Variants in GPR139 observed in about 807,000 individuals in gnomAD.
GPR139 encodes the protein probable G protein-coupled receptor 139.
A neutral mutation model predicts 25.8 loss-of-function variants in GPR139; 12 were observed. That is an observed-to-expected ratio of 0.47 (90% CI 0.30 to 0.75). GPR139 has a LOEUF of 0.75. Among genes scored for constraint, GPR139 ranks in the 30% least tolerant of loss-of-function variants. The probability of loss-of-function intolerance (pLI) is 0.07; values close to 1 mark genes in which losing one functional copy is unlikely to be tolerated. For synonymous variants in GPR139, 184 were observed against 179.9 expected, an observed-to-expected ratio of 1.02 and a Z score of -0.18; for missense variants, 380 against 450.2, an observed-to-expected ratio of 0.84 and a Z score of 1.41.
chr16:20,039,414 T>C (rs986589893), intron 1 of GPR139, among the ~76,000 whole-genome samples: 10 of 152,238 alleles, frequency 6.6e-5, no homozygotes, highest in Admixed American at 5.9e-4. Context: ...TTCTGCTACA[T>C]TGCCTTTTTC....
In GPR139 at chr16:20,032,249, AG is replaced by A; in HGVS notation, c.547del (p.Leu183SerfsTer20). 6.2e-7 allele frequency: 1 copy of A among 1,614,174 alleles called. No homozygotes were observed. The highest frequency in any genetic ancestry group is 8.5e-7 in the Non-Finnish European group (1 of 1,180,018). ...GACGGTGAAGCAGTGGATCCAGATG[AG>A]GACGTGATGCACAGAGGTGCTGATG... ...DYISTSVHHVLIWIHCFTVYL... is the reference protein window; with the variant it reads ...DYISTSVHHVXIWIHCFTVYL... On this transcript the variant is annotated frameshift_variant, in exon 2 of 2. Transcript: ENST00000570682. LOFTEE classifies it high-confidence loss of function.
intron 1 of GPR139, among the ~76,000 whole-genome samples, chr16:20,058,710 C>T (rs910058563): frequency 8.5e-5 from 13 of 152,174 alleles, no homozygotes; most frequent in African/African-American, 3.1e-4. Flanking sequence ...CCCTCCGTCA[C>T]GCTGGCCAGA....
intron 1 of GPR139, among the ~76,000 whole-genome samples, chr16:20,057,278 T>A (rs72772751): frequency 6.6e-6 from 1 of 152,108 alleles, no homozygotes; most frequent in Non-Finnish European, 1.5e-5. Flanking sequence ...ATATGCCAAA[T>A]GAGCATGATG....
At chr16:20,064,757 C>T (rs921440537) in intron 1 of GPR139, among the ~76,000 whole-genome samples, 1 of 152,160 alleles carries the variant, frequency 6.6e-6, no homozygotes, top group Admixed American at 6.5e-5. Context: ...CTTGCCAGAG[C>T]CCCATTAACA....
chr16:20,069,922 C>T (rs367603119), intron 1 of GPR139, among the ~76,000 whole-genome samples: 5 of 151,822 alleles, frequency 3.3e-5, no homozygotes, highest in African/African-American at 4.8e-5. Context: ...TTGTGTGTCT[C>T]GAGAAGTGAG....
intron 1 of GPR139, among the ~76,000 whole-genome samples, chr16:20,042,451 TTC>T (rs1318589577): frequency 6.6e-6 from 1 of 152,178 alleles, no homozygotes; most frequent in Non-Finnish European, 1.5e-5. Flanking sequence ...CAGGAAATTC[TTC>T]ATTGCCTCTA....
rs1331806231 is a variant in GPR139 at position 20,029,694 on chromosome 16, G to A, written c.*2041C>T. Among the ~76,000 whole-genome samples the A allele has an allele frequency of 1.3e-5, 2 of 152,122 alleles. No homozygotes were observed. The highest frequency in any genetic ancestry group is 2.1e-4 in the South Asian group (1 of 4,820). The stretch of plus-strand genomic sequence containing the variant: ...TCAATGAGCATACGCCCTGGGGAGC[G>A]TGGGAGATGGGAGATCTGTCCCTCA... On this transcript the variant is annotated 3_prime_UTR_variant, in exon 2 of 2. Coordinates refer to ENST00000570682, the MANE Select transcript of GPR139 (RefSeq NM_001002911.4).
In GPR139 at chr16:20,069,663, C is replaced by T. The variant is rs144014562; in HGVS notation, c.127+3827G>A. Among the ~76,000 whole-genome samples, 298 of 152,318 alleles carry T rather than the reference C, an allele frequency of 2.0e-3. 1 individual carries two copies. Among genetic ancestry groups the T allele is most frequent in the South Asian group, 3.3e-3 (16 of 4,816 alleles). ...AGTTTCAAGCTATCATCTCTTTCCT[C>T]ACCTTGTCTTTCTGCACATCCCCGG... On this transcript the variant is annotated intron_variant, in intron 1 of 1. Coordinates refer to ENST00000570682, the MANE Select transcript of GPR139 (RefSeq NM_001002911.4).
Position 20,032,098 on chromosome 16 carries a change from A to G in GPR139, c.699T>C (p.Ile233=). 1 of 1,614,200 alleles carries G rather than the reference A, an allele frequency of 6.2e-7. No individual in the cohort carries two copies. Among genetic ancestry groups the G allele is most frequent in the Non-Finnish European group, 8.5e-7 (1 of 1,180,032 alleles). The change falls in exon 2 of 2, where the codon ATT becomes ATC. Residue 233 remains isoleucine, a synonymous_variant. Transcript: ENST00000570682. The part of the protein sequence containing the change: ...TGKTTAILFT[I]TSIFATLWAP... ...CCCAAAGTGTGGCAAAGATGGAGGT[A>G]ATGGTGAACAAGATGGCGGTGGTCT...
At chr16:20,036,727 T>C (rs534025902) in intron 1 of GPR139, among the ~76,000 whole-genome samples, 1 of 152,252 alleles carries the variant, frequency 6.6e-6, no homozygotes, top group South Asian at 2.1e-4. Flanking sequence ...CATTTCAAGA[T>C]GAGATTTGGG....
chr16:20,048,598 G>GC (rs2057361669), intron 1 of GPR139, among the ~76,000 whole-genome samples: 1 of 152,210 alleles, frequency 6.6e-6, no homozygotes, highest in African/African-American at 2.4e-5. Context: ...GATATCGCAT[G>GC]CCCCATTGCA....
intron 1 of GPR139, among the ~76,000 whole-genome samples, chr16:20,044,203 G>A (rs367553734): frequency 2.0e-3 from 298 of 152,330 alleles, no homozygotes; most frequent in African/African-American, 6.9e-3. Context: ...GGCTCAATGA[G>A]AGGGAAGAAG....
At position 20,073,338 on chromosome 16, in the gene GPR139, C is replaced by T; in HGVS notation, c.127+152G>A. 2 of 1,178,690 alleles carry T rather than the reference C, an allele frequency of 1.7e-6. No individual in the cohort carries two copies. The highest frequency in any genetic ancestry group is 2.6e-5 in the East Asian group (1 of 38,714). The allele number at this position is 1,178,690 out of a possible 1,614,324, so 73.0% of individuals were successfully genotyped here. On this transcript the variant is annotated intron_variant, in intron 1 of 1. Transcript: ENST00000570682. The surrounding 1 kb of genome is among the most constrained non-coding windows in gnomAD (Gnocchi z 4.7). The stretch of plus-strand genomic sequence containing the variant: ...AGCTAGGGCACAGCAACTTCCTTTC[C>T]CCCCGTGTGGAAATATCCATAGTTG...
intron 1 of GPR139, among the ~76,000 whole-genome samples, chr16:20,045,598 G>T (rs1019542510): frequency 2.0e-5 from 3 of 152,138 alleles, no homozygotes; most frequent in Non-Finnish European, 4.4e-5. Context: ...CCATCAGCTG[G>T]CACCTATGAG....
rs548117046 is a variant in GPR139 at position 20,060,313 on chromosome 16, GT to G, written c.127+13176del. 1.9e-4 allele frequency among the ~76,000 whole-genome samples: 29 copies of G among 152,054 alleles called. No individual in the cohort carries two copies. The Middle Eastern group carries it at 0.01, about 54-fold the overall frequency. ...TGTGTCTATATGTGTATCTCTGTGT[GT>G]GGTGTGTATCTGCATGTATGTCTCT... On this transcript the variant is annotated intron_variant, in intron 1 of 1. Coordinates refer to ENST00000570682, the MANE Select transcript of GPR139 (RefSeq NM_001002911.4).
In GPR139 at chr16:20,031,768, G is replaced by A. The variant is rs138883892; in HGVS notation, c.1029C>T (p.Asp343=). The A allele has an allele frequency of 5.2e-4, 836 of 1,614,104 alleles. 1 individual carries two copies. Among genetic ancestry groups the A allele is most frequent in the Middle Eastern group, 1.5e-3 (9 of 6,062 alleles). ...HCIKMLVYQY[D]KNGKPIKVSP is the part of the protein sequence containing the mutation. ...ATACTTTTATAGGTTTTCCATTTTT[G>A]TCATACTGGTACACCAGCATCTTGA... The change falls in exon 2 of 2, where the codon GAC becomes GAT. Residue 343 remains aspartate (D), a synonymous_variant. Transcript: ENST00000570682.
chr16:20,043,338 C>T (rs1362922219), intron 1 of GPR139, among the ~76,000 whole-genome samples: 4 of 152,164 alleles, frequency 2.6e-5, no homozygotes, highest in Non-Finnish European at 5.9e-5. Flanking sequence ...CCAATGGTTT[C>T]CAAACTGTAT....
At chr16:20,041,011 G>A (rs943771558) in intron 1 of GPR139, among the ~76,000 whole-genome samples, 14 of 151,282 alleles carry the variant, frequency 9.3e-5, no homozygotes, top group African/African-American at 3.4e-4. Context: ...TGACTTAAAA[G>A]CATCTCTCCC....
At chr16:20,036,888 A>G (rs891433280) in intron 1 of GPR139, among the ~76,000 whole-genome samples, 1 of 152,208 alleles carries the variant, frequency 6.6e-6, no homozygotes, top group African/African-American at 2.4e-5. Context: ...ATTGACTGAG[A>G]GTCCATTCAT....
Sources: gnomAD v4.1 joint callset for allele counts (sites outside exome capture counted in the v4.1 genomes callset) on GRCh38, gnomAD v4.1.1 for gene constraint, Gnocchi (gnomAD v3.1) non-coding constraint, MANE v1.5 for transcripts, NCBI Gene and HGNC (gene_info 2026-07-23, HGNC 2026-07-21) for gene names.